MCTP1: variants seen among roughly 807,000 people sequenced by gnomAD.
MCTP1 encodes multiple C2 and transmembrane domain-containing protein 1.
MCTP1 carries 69 observed loss-of-function variants against 120.6 expected under a neutral mutation model. The ratio of observed to expected loss-of-function variants is 0.57; its 90% CI spans 0.47 to 0.70. MCTP1 has a LOEUF of 0.70. MCTP1 is among the 30% of genes least tolerant of loss of function. The pLI, the probability that MCTP1 is intolerant of heterozygous loss-of-function variation, is 0.00. For synonymous variants in MCTP1, 529 were observed against 493.1 expected (o/e 1.07, Z -0.96); for missense variants, 1,203 against 1,248.8 (o/e 0.96, Z 0.55).
rs186229311 is a variant in MCTP1 at position 95,159,464 on chromosome 5, G to T, written c.720+124392C>A. Among the ~76,000 whole-genome samples, 123 of 152,208 alleles carry T rather than the reference G, an allele frequency of 8.1e-4. 1 individual carries two copies. The highest frequency in any genetic ancestry group is 2.9e-3 in the African/African-American group (119 of 41,512). On this transcript the variant is annotated intron_variant, in intron 1 of 22. Coordinates refer to ENST00000515393, the MANE Select transcript of MCTP1 (RefSeq NM_024717.7). The stretch of plus-strand genomic sequence containing the variant: ...CTATGTATACAGCTCACCAGCAAAA[G>T]AATGTCATATTCTATTTTCAAAAAT...
chr5:94,716,829 G>A (rs1022730755), intron 19 of MCTP1, among the ~76,000 whole-genome samples: 2 of 151,850 alleles, frequency 1.3e-5, no homozygotes, highest in Admixed American at 6.6e-5. Flanking sequence ...TGGAGAAAAC[G>A]GGGAGAACTT....
intron 17 of MCTP1, among the ~76,000 whole-genome samples, chr5:94,809,761 C>A (rs982866184): frequency 2.0e-5 from 3 of 152,058 alleles, no homozygotes; most frequent in Admixed American, 6.6e-5. Flanking sequence ...AATCAAGTAA[C>A]AATCACTCTA....
intron 19 of MCTP1, among the ~76,000 whole-genome samples, chr5:94,773,357 T>C (rs931320078): frequency 2.0e-5 from 3 of 152,212 alleles, no homozygotes; most frequent in African/African-American, 7.2e-5. Flanking sequence ...TATTGTAGCA[T>C]AGTTGGGTTA....
chr5:95,258,179 T>C (rs1225411467), intron 1 of MCTP1, among the ~76,000 whole-genome samples: 1 of 152,124 alleles, frequency 6.6e-6, no homozygotes, highest in East Asian at 1.9e-4. Flanking sequence ...GCTGAATAAC[T>C]TTACAGTGGA....
At chr5:95,236,595 C>T (rs772794482) in intron 1 of MCTP1, among the ~76,000 whole-genome samples, 18 of 152,126 alleles carry the variant, frequency 1.2e-4, no homozygotes, top group Admixed American at 5.9e-4. Context: ...TTGCTGATTA[C>T]GGTATAAAAA....
At chr5:95,150,748 A>G (rs1223301891) in intron 1 of MCTP1, among the ~76,000 whole-genome samples, 5 of 152,174 alleles carry the variant, frequency 3.3e-5, no homozygotes, top group Admixed American at 6.5e-5. Context: ...TAACATCTAA[A>G]AATGTTACCA....
At chr5:95,027,724 T>C (rs1303349362) in intron 1 of MCTP1, among the ~76,000 whole-genome samples, 2 of 152,186 alleles carry the variant, frequency 1.3e-5, no homozygotes. Flanking sequence ...GGTCCACTGC[T>C]CCGTACTCTT....
At chr5:95,055,002 T>A (rs1747002488) in intron 1 of MCTP1, among the ~76,000 whole-genome samples, 1 of 152,110 alleles carries the variant, frequency 6.6e-6, no homozygotes, top group Admixed American at 6.5e-5. Context: ...GAAAAATACA[T>A]GGTTTCGCTA....
intron 2 of MCTP1, among the ~76,000 whole-genome samples, chr5:94,953,856 T>TATGCATATATATACAAATATA: frequency 8.7e-6 from 1 of 115,282 alleles, no homozygotes; most frequent in Admixed American, 9.7e-5. Context: ...CAACTATATA[T>TATGCATATATATACAAATATA]ATGCATATAT....
rs1014757586 is a variant in MCTP1, at chr5:94,753,208, G to A, written c.2610+25902C>T. 6.9e-4 allele frequency among the ~76,000 whole-genome samples: 105 copies of A among 152,020 alleles called. 1 individual carries two copies. The highest frequency in any genetic ancestry group is 2.5e-3 in the African/African-American group (102 of 41,380). On this transcript the variant is annotated intron_variant, in intron 19 of 22. Coordinates refer to ENST00000515393, the MANE Select transcript of MCTP1 (RefSeq NM_024717.7). ...GAAGTCAGTCTTATGAAATGTAAAG[G>A]ATTGGACCTCAGAGATGGAGAGAGA... is the stretch of plus-strand genomic sequence containing the variant.
At chr5:94,833,839 G>A (rs1198801679) in intron 17 of MCTP1, among the ~76,000 whole-genome samples, 1 of 152,068 alleles carries the variant, frequency 6.6e-6, no homozygotes, top group Non-Finnish European at 1.5e-5. Flanking sequence ...TGTAGTTTAC[G>A]AATGCATAAT....
chr5:94,902,243 G>A (rs537454181), intron 10 of MCTP1, among the ~76,000 whole-genome samples: 3 of 152,048 alleles, frequency 2.0e-5, no homozygotes, highest in Admixed American at 1.3e-4. Flanking sequence ...AGAATCTGCC[G>A]AGCCGACACT....
chr5:94,877,744 G>A (rs935736325), intron 12 of MCTP1: 1 of 152,110 alleles, frequency 6.6e-6, no homozygotes, highest in African/African-American at 2.4e-5. Flanking sequence ...CCTGTTTTGT[G>A]GGCAAGTGGA....
intron 5 of MCTP1, among the ~76,000 whole-genome samples, chr5:94,932,213 T>TAAA (rs368203326): frequency 2.2e-3 from 208 of 95,826 alleles, no homozygotes; most frequent in Admixed American, 4.0e-3. Context: ...TATTCCTTTG[T>TAAA]AAAAAAAAAA....
At chr5:94,954,102 A>G (rs1468443203) in intron 2 of MCTP1, among the ~76,000 whole-genome samples, 1 of 110,070 alleles carries the variant, frequency 9.1e-6, no homozygotes, top group Admixed American at 9.9e-5. Context: ...GCATATATAT[A>G]CATATATATG....
At chr5:95,055,959 C>T (rs1214297992) in intron 1 of MCTP1, among the ~76,000 whole-genome samples, 1 of 152,140 alleles carries the variant, frequency 6.6e-6, no homozygotes, top group African/African-American at 2.4e-5. Flanking sequence ...GGCTAGTATG[C>T]TATACATGTA....
At chr5:94,937,169 C>A (rs1457966851) in intron 5 of MCTP1, among the ~76,000 whole-genome samples, 1 of 152,098 alleles carries the variant, frequency 6.6e-6, no homozygotes, top group Non-Finnish European at 1.5e-5. Context: ...GAGTCAATAA[C>A]AGGATAGGAG....
At chr5:94,789,414 A>C (rs964624047) in intron 18 of MCTP1, 1 of 152,240 alleles carries the variant, frequency 6.6e-6, no homozygotes, top group Non-Finnish European at 1.5e-5. Flanking sequence ...ATTTGAACTG[A>C]CATGTCACGT....
At position 94,952,549 on chromosome 5, in the gene MCTP1, T is replaced by A. The variant is rs915689516; in HGVS notation, c.981+670A>T. Among the ~76,000 whole-genome samples the A allele has an allele frequency of 1.2e-4, 18 of 152,186 alleles. No homozygotes were observed. In the South Asian group the frequency reaches 3.3e-3, roughly 28 times the overall value. The stretch of plus-strand genomic sequence containing the variant: ...CTGTTGTGGTAAAAGTAGAAAAAGG[T>A]CTGGTCACTGAATGAACAGTCAGAG... On this transcript the variant is annotated intron_variant, in intron 3 of 22. Transcript: ENST00000515393.
Sources: gnomAD v4.1 joint callset for allele counts (sites outside exome capture counted in the v4.1 genomes callset) on GRCh38, gnomAD v4.1.1 for gene constraint, MANE v1.5 for transcripts, NCBI Gene and HGNC (gene_info 2026-07-23, HGNC 2026-07-21) for gene names.